Variants in SH3GL3 observed in about 807,000 individuals in gnomAD.
The protein encoded by SH3GL3 is SH3 domain containing GRB2 like 3, endophilin A3, also known as endophilin-A3.
SH3GL3 carries 33 observed loss-of-function variants against 47.7 expected under a neutral mutation model. The observed-to-expected ratio is 0.69, with a 90% CI of 0.52 to 0.92. SH3GL3 has a LOEUF of 0.92. Ranked by LOEUF, SH3GL3 falls within the 40% of genes least tolerant of loss-of-function variation. The probability of loss-of-function intolerance (pLI) is 0.00; values close to 1 mark genes in which losing one functional copy is unlikely to be tolerated. For synonymous variants in SH3GL3, 155 were observed against 148.8 expected, an observed-to-expected ratio of 1.04 and a Z score of -0.30; for missense variants, 363 against 417.8, an observed-to-expected ratio of 0.87 and a Z score of 1.14.
intron 1 of SH3GL3, among the ~76,000 whole-genome samples, chr15:83,558,503 A>ATGTGTGTGTGTGTGTG (rs1455550914): frequency 3.2e-4 from 2 of 6,252 alleles, no homozygotes; most frequent in Non-Finnish European, 9.6e-4. Flanking sequence ...GTGTGTGTGT[A>ATGTGTGTGTGTGTGTG]TATGTGTGTG....
At chr15:83,583,843 C>A (rs2059894593) in intron 6 of SH3GL3, among the ~76,000 whole-genome samples, 1 of 152,138 alleles carries the variant, frequency 6.6e-6, no homozygotes, top group South Asian at 2.1e-4. Flanking sequence ...TCCCCAGGCC[C>A]AGCCACGATG....
In SH3GL3 at chr15:83,456,497, G is replaced by A. The variant is rs1342723570; in HGVS notation, c.45+8919G>A. Among the ~76,000 whole-genome samples the A allele has an allele frequency of 1.2e-4, 9 of 73,230 alleles. No individual in the cohort carries two copies. In the East Asian group the frequency reaches 3.5e-3, roughly 29 times the overall value. 48.0% of individuals were successfully genotyped at this position (73,230 alleles called of 152,430 possible). On this transcript the variant is annotated intron_variant, in intron 1 of 8. Transcript: ENST00000427482. ...GTAGGACCCTCTGAGCCAGGTGTGG[G>A]ATATAGTCTCGTGGTGCGCCGTTTC... is the stretch of plus-strand genomic sequence containing the variant.
At chr15:83,582,292 G>A (rs865992009) in intron 6 of SH3GL3, among the ~76,000 whole-genome samples, 15 of 152,132 alleles carry the variant, frequency 9.9e-5, no homozygotes, top group Admixed American at 3.3e-4. Flanking sequence ...TGCAGTACTG[G>A]CTGTCTTGGT....
chr15:83,468,646 C>T (rs2040689500), intron 1 of SH3GL3, among the ~76,000 whole-genome samples: 1 of 152,106 alleles, frequency 6.6e-6, no homozygotes, highest in Non-Finnish European at 1.5e-5. Context: ...GTTAATGTGG[C>T]AGATTGCATT....
chr15:83,587,525 TAAAAAA>T (rs35935527), intron 7 of SH3GL3, among the ~76,000 whole-genome samples: 1 of 105,032 alleles, frequency 9.5e-6, no homozygotes, highest in Non-Finnish European at 1.9e-5. Flanking sequence ...TAAATATCTG[TAAAAAA>T]AAAAAAAAAA....
chr15:83,592,628 C>T lies in SH3GL3; in HGVS notation c.838+3857C>T, dbSNP rs193298701. ...GTTGTATTTGGCTTTTTCTCTTTCC[C>T]CATCTACCCCTTCTGTTCTTAAGTC... On this transcript the variant is annotated intron_variant, in intron 8 of 8. Coordinates refer to ENST00000427482, the MANE Select transcript of SH3GL3 (RefSeq NM_003027.5). Among the ~76,000 whole-genome samples, 425 of 152,334 alleles carry T rather than the reference C, an allele frequency of 2.8e-3. 1 individual carries two copies. Among genetic ancestry groups the T allele is most frequent in the South Asian group, 0.011 (52 of 4,814 alleles).
At chr15:83,576,081 G>C (rs781721248) in intron 5 of SH3GL3, among the ~76,000 whole-genome samples, 10 of 152,214 alleles carry the variant, frequency 6.6e-5, no homozygotes, top group Non-Finnish European at 1.0e-4. Flanking sequence ...AGCGTTTTAC[G>C]CAACTTATTT....
intron 1 of SH3GL3, among the ~76,000 whole-genome samples, chr15:83,539,454 A>G (rs1048503823): frequency 1.3e-5 from 2 of 152,190 alleles, no homozygotes; most frequent in African/African-American, 4.8e-5. Context: ...ACCTCCTAAT[A>G]GTATCATTGG....
At chr15:83,628,895 T>A in the SH3GL3 span, among the ~76,000 whole-genome samples, 16 of 152,142 alleles carry the variant, frequency 1.1e-4, no homozygotes, top group East Asian at 1.7e-3. Context: ...ACCAAGGTCA[T>A]GGGATAGAAA....
chr15:83,539,588 A>G (rs1179319264), intron 1 of SH3GL3, among the ~76,000 whole-genome samples: 1 of 152,012 alleles, frequency 6.6e-6, no homozygotes, highest in African/African-American at 2.4e-5. Context: ...TATTGAATCT[A>G]TTTGCCTTTT....
intron 1 of SH3GL3, among the ~76,000 whole-genome samples, chr15:83,526,038 A>G (rs545090364): frequency 2.6e-5 from 4 of 152,142 alleles, no homozygotes; most frequent in Middle Eastern, 3.4e-3. Flanking sequence ...TTTATGACTG[A>G]TGTTTCTATT....
At chr15:83,468,369 T>C (rs1162415762) in intron 1 of SH3GL3, among the ~76,000 whole-genome samples, 1 of 152,208 alleles carries the variant, frequency 6.6e-6, no homozygotes, top group African/African-American at 2.4e-5. Flanking sequence ...TTTTCTTGCC[T>C]TATTTCACTG....
At chr15:83,494,571 C>T (rs563698464) in intron 1 of SH3GL3, among the ~76,000 whole-genome samples, 21 of 145,064 alleles carry the variant, frequency 1.4e-4, no homozygotes, top group Middle Eastern at 7.1e-3. Context: ...TGAGGTGAGT[C>T]TTGCTCTGTC....
chr15:83,498,867 T>A (rs112639136), intron 1 of SH3GL3, among the ~76,000 whole-genome samples: 83 of 152,314 alleles, frequency 5.4e-4, no homozygotes, highest in Middle Eastern at 6.8e-3. Context: ...GGCCTAGCTC[T>A]AGCCATCTGG....
intron 1 of SH3GL3, among the ~76,000 whole-genome samples, chr15:83,470,867 G>A (rs543395774): frequency 6.6e-6 from 1 of 152,106 alleles, no homozygotes; most frequent in African/African-American, 2.4e-5. Flanking sequence ...GTCTACTGAT[G>A]TCATCATTTT....
chr15:83,603,488 A>G (rs1342004853), intron 8 of SH3GL3, among the ~76,000 whole-genome samples: 1 of 152,202 alleles, frequency 6.6e-6, no homozygotes, highest in Non-Finnish European at 1.5e-5. Flanking sequence ...TTTGAGTAGG[A>G]AGGTGACACC....
At chr15:83,488,996 A>G (rs1394140353) in intron 1 of SH3GL3, among the ~76,000 whole-genome samples, 1 of 152,234 alleles carries the variant, frequency 6.6e-6, no homozygotes, top group Admixed American at 6.5e-5. Context: ...TGAAGCTATG[A>G]TGCTGTGCAT....
intron 1 of SH3GL3, among the ~76,000 whole-genome samples, chr15:83,459,825 C>G (rs1445752605): frequency 6.6e-6 from 1 of 152,144 alleles, no homozygotes; most frequent in East Asian, 1.9e-4. Context: ...ATTTGCAGGT[C>G]ATGCATCATT....
At chr15:83,467,349 G>T (rs1227529710) in intron 1 of SH3GL3, among the ~76,000 whole-genome samples, 43 of 152,178 alleles carry the variant, frequency 2.8e-4, no homozygotes, top group Admixed American at 2.8e-3. Context: ...GAGCATATTT[G>T]TGTGGGTCTA....
Sources: gnomAD v4.1 joint callset for allele counts (sites outside exome capture counted in the v4.1 genomes callset) on GRCh38, gnomAD v4.1.1 for gene constraint, MANE v1.5 for transcripts, NCBI Gene and HGNC (gene_info 2026-07-23, HGNC 2026-07-21) for gene names.